The following EXOC4 variants were observed in gnomAD, a reference collection of about 807,000 sequenced individuals.
EXOC4 encodes SEC8-like 1.
EXOC4 carries 71 observed loss-of-function variants against 107.2 expected under a neutral mutation model. The ratio of observed to expected loss-of-function variants is 0.66; its 90% CI spans 0.55 to 0.81. The LOEUF is 0.81. EXOC4 is among the 30% of genes least tolerant of loss of function. EXOC4 has a pLI of 0.00. For missense variants in EXOC4, 1,108 were observed against 1,189.6 expected (o/e 0.93, Z 1.01); for synonymous variants, 456 against 441.2 (o/e 1.03, Z -0.42).
chr7:134,017,540 T>G (rs193213931), intron 17 of EXOC4, among the ~76,000 whole-genome samples: 66 of 152,336 alleles, frequency 4.3e-4, no homozygotes, highest in Admixed American at 1.7e-3. Flanking sequence ...CAATTAAACC[T>G]TCATTTGACC....
intron 5 of EXOC4, among the ~76,000 whole-genome samples, chr7:133,348,865 A>G (rs967009941): frequency 6.6e-6 from 1 of 152,172 alleles, no homozygotes; most frequent in Non-Finnish European, 1.5e-5. Flanking sequence ...TATAAGCTTA[A>G]GACTTCCTGG....
intron 14 of EXOC4, among the ~76,000 whole-genome samples, chr7:133,950,507 C>G (rs933973025): frequency 6.7e-6 from 1 of 150,292 alleles, no homozygotes; most frequent in Non-Finnish European, 1.5e-5. Flanking sequence ...ATTGGGAACT[C>G]TCTCCTTAGG....
At chr7:133,651,906 C>T (rs886246744) in intron 10 of EXOC4, among the ~76,000 whole-genome samples, 8 of 152,204 alleles carry the variant, frequency 5.3e-5, no homozygotes, top group African/African-American at 1.7e-4. Context: ...GCTGGTCTTG[C>T]TGACCTCAGG....
chr7:133,654,228 G>A (rs148006586), intron 10 of EXOC4, among the ~76,000 whole-genome samples: 2 of 152,084 alleles, frequency 1.3e-5, no homozygotes, highest in African/African-American at 4.8e-5. Flanking sequence ...TTAGTATTCC[G>A]AGAACTGTGA....
intron 10 of EXOC4, among the ~76,000 whole-genome samples, chr7:133,815,442 AAAAT>A (rs1262996024): frequency 1.3e-5 from 2 of 152,098 alleles, no homozygotes; most frequent in Admixed American, 6.5e-5. Flanking sequence ...ACAGAAATGA[AAAAT>A]AAGAAAACTG....
chr7:133,321,433 C>T (rs1396867766), intron 5 of EXOC4, among the ~76,000 whole-genome samples: 2 of 152,134 alleles, frequency 1.3e-5, no homozygotes, highest in African/African-American at 4.8e-5. Context: ...CCCGCCCTGA[C>T]CGAAAGGCCC....
intron 11 of EXOC4, among the ~76,000 whole-genome samples, chr7:133,822,325 G>C (rs1242624410): frequency 1.3e-5 from 2 of 151,830 alleles, no homozygotes; most frequent in African/African-American, 4.9e-5. Flanking sequence ...CATTTCCCTG[G>C]TTTACCATTG....
intron 13 of EXOC4, among the ~76,000 whole-genome samples, chr7:133,936,954 C>A (rs1800317890): frequency 6.6e-6 from 1 of 152,212 alleles, no homozygotes; most frequent in African/African-American, 2.4e-5. Context: ...AGCCACTGCG[C>A]CCGGCCTTCA....
At chr7:133,394,014 T>C (rs1466379170) in intron 7 of EXOC4, among the ~76,000 whole-genome samples, 1 of 152,182 alleles carries the variant, frequency 6.6e-6, no homozygotes, top group East Asian at 1.9e-4. Flanking sequence ...TATGAAGAGT[T>C]TCTGTTGGCC....
chr7:133,400,493 A>G (rs1321683115), intron 7 of EXOC4, among the ~76,000 whole-genome samples: 1 of 152,194 alleles, frequency 6.6e-6, no homozygotes, highest in Non-Finnish European at 1.5e-5. Context: ...TGATTGACCA[A>G]AGACTGTGTT....
At chr7:133,550,254 T>A (rs761477564) in intron 9 of EXOC4, among the ~76,000 whole-genome samples, 3 of 152,264 alleles carry the variant, frequency 2.0e-5, no homozygotes, top group Middle Eastern at 3.4e-3. Context: ...GACCCCAGAA[T>A]CAAGCACAAT....
At chr7:133,733,324 C>A (rs1446659355) in intron 10 of EXOC4, 1 of 152,326 alleles carries the variant, frequency 6.6e-6, no homozygotes, top group Non-Finnish European at 1.5e-5. Context: ...GAAACCCCGT[C>A]TCTACTAAAA....
chr7:133,675,446 T>C lies in EXOC4; in HGVS notation c.1514+45305T>C, dbSNP rs145778547. Reference sequence around the variant, plus strand: ...TTATCTTTGTTTTTATTTGATATGATTTGCTTTTGTAGATATTTGTTCCTT... The same window carrying C: ...TTATCTTTGTTTTTATTTGATATGACTTGCTTTTGTAGATATTTGTTCCTT... On this transcript the variant is annotated intron_variant, in intron 10 of 17. Coordinates refer to ENST00000253861, the MANE Select transcript of EXOC4 (RefSeq NM_021807.4). Among the ~76,000 whole-genome samples the C allele has an allele frequency of 4.5e-4, 68 of 152,318 alleles. 1 individual carries two copies. The East Asian group carries it at 0.013, about 29-fold the overall frequency.
intron 10 of EXOC4, among the ~76,000 whole-genome samples, chr7:133,684,720 G>A (rs929497442): frequency 1.3e-5 from 2 of 152,082 alleles, no homozygotes; most frequent in African/African-American, 4.8e-5. Flanking sequence ...GCGGTCTCCT[G>A]GGCATGCAAA....
chr7:133,968,994 G>C (rs991969749), intron 14 of EXOC4, among the ~76,000 whole-genome samples: 1 of 152,158 alleles, frequency 6.6e-6, no homozygotes, highest in East Asian at 1.9e-4. Context: ...ACTTAGGTTA[G>C]GAGTTTTCAC....
rs115126551 is a variant in EXOC4 at position 133,875,462 on chromosome 7, G to T, written c.1735-20137G>T. ...TATCAGTTCTGAGTGAATTTAGAGGGCAGGGTTTGAGGAATGTTGAAAGAG... is the reference window on the plus strand; with the variant it reads ...TATCAGTTCTGAGTGAATTTAGAGGTCAGGGTTTGAGGAATGTTGAAAGAG... On this transcript the variant is annotated intron_variant, in intron 11 of 17. Coordinates refer to ENST00000253861, the MANE Select transcript of EXOC4 (RefSeq NM_021807.4). 2.4e-3 allele frequency among the ~76,000 whole-genome samples: 364 copies of T among 152,210 alleles called. 5 individuals carry two copies. The highest frequency in any genetic ancestry group is 8.2e-3 in the African/African-American group (340 of 41,520).
rs914089476 is a variant in EXOC4, at chr7:133,592,775, G to A, written c.1418-37270G>A. The stretch of plus-strand genomic sequence containing the variant: ...GCACCACCATGCCCAGCTAATTTTT[G>A]TATTTTTATTAGAGACGGGGTTTCA... On this transcript the variant is annotated intron_variant, in intron 9 of 17. Transcript: ENST00000253861. Among the ~76,000 whole-genome samples, 3 of 152,126 alleles carry A rather than the reference G, an allele frequency of 2.0e-5. No homozygotes were observed. The East Asian group carries it at 5.8e-4, about 29-fold the overall frequency.
intron 5 of EXOC4, among the ~76,000 whole-genome samples, chr7:133,351,706 C>CT (rs1166874241): frequency 6.6e-6 from 1 of 151,716 alleles, no homozygotes. Flanking sequence ...TTTATATTTA[C>CT]TTTTTTCTGC....
chr7:133,895,723 C>G lies in EXOC4; in HGVS notation c.1859C>G (p.Thr620Ser). 6.2e-7 allele frequency: 1 copy of G among 1,613,960 alleles called. No homozygotes were observed. The highest frequency in any genetic ancestry group is 8.5e-7 in the Non-Finnish European group (1 of 1,179,900). ...CTCCAGGAGTACAAGGACACCTGCA[C>G]TGCAGCTTACAGGTAGAGCTTCTGT... ...VKLQEYKDTC[T>S]AAYRGIVQSE... Residue 620 changes from threonine to serine, a missense_variant, in exon 12 of 18, where the codon ACT becomes AGT. By Grantham distance (58) the Thr-to-Ser change is moderately conservative. Coordinates refer to ENST00000253861, the MANE Select transcript of EXOC4 (RefSeq NM_021807.4).
Sources: gnomAD v4.1 joint callset for allele counts (sites outside exome capture counted in the v4.1 genomes callset) on GRCh38, gnomAD v4.1.1 for gene constraint, MANE v1.5 for transcripts, NCBI Gene and HGNC (gene_info 2026-07-23, HGNC 2026-07-21) for gene names.